The following GOLGA8A variants were observed in gnomAD, a reference collection of about 807,000 sequenced individuals.
GOLGA8A encodes golgin A8 family member A.
In GOLGA8A, 3 loss-of-function variants were observed where a neutral mutation model predicts 22.1. The observed-to-expected ratio is 0.14, with a 90% confidence interval of 0.06 to 0.35. GOLGA8A has a LOEUF of 0.35. Among genes scored for constraint, GOLGA8A ranks in the 10% least tolerant of loss-of-function variants. The pLI, the probability that GOLGA8A is intolerant of heterozygous loss-of-function variation, is 1.00. For missense variants in GOLGA8A, 16 were observed against 233.2 expected (o/e 0.07, Z 6.07); for synonymous variants, 7 against 91.7 (o/e 0.08, Z 5.28).
chr15:34,426,822 T>C lies in GOLGA8A; in HGVS notation c.-1123+8561A>G, dbSNP rs555110122. Among the ~76,000 whole-genome samples the C allele has an allele frequency of 3.3e-3, 445 of 134,024 alleles. 2 individuals are homozygous for C. The highest frequency in any genetic ancestry group is 0.013 in the Middle Eastern group (3 of 240). 87.9% of individuals were successfully genotyped at this position (134,024 alleles called of 152,430 possible). On this transcript the variant is annotated intron_variant, in intron 2 of 24. Coordinates refer to ENST00000359187, the MANE Select transcript of GOLGA8A (RefSeq NM_181077.5). ...TACTCAGGAGACCGAGGCAGGAGGA[T>C]TGCCTGAGCCCAGGAGTTCAAGTCC...
At position 34,381,295 on chromosome 15, in the gene GOLGA8A, T is replaced by C. The variant is rs1229749633; in HGVS notation, c.*116A>G. On this transcript the variant is annotated 3_prime_UTR_variant, in exon 25 of 25. Transcript: ENST00000359187. ...TTAAACTATAAATTAGAAACACAAA[T>C]AATCATGAGTAGCTCTAACATTCAA... 9.7e-7 allele frequency: 1 copy of C among 1,031,640 alleles called. No individual in the cohort carries two copies. Among genetic ancestry groups the C allele is most frequent in the African/African-American group, 1.5e-5 (1 of 65,722 alleles). 63.9% of individuals were successfully genotyped at this position (1,031,640 alleles called of 1,614,324 possible). A position where few individuals can be genotyped will look rare whatever the true frequency, so the allele number is the denominator to read the frequency against.
chr15:34,420,559 A>G (rs909156723), intron 2 of GOLGA8A, among the ~76,000 whole-genome samples: 1 of 135,284 alleles, frequency 7.4e-6, no homozygotes, highest in African/African-American at 2.8e-5. Context: ...GCGTAAGAGG[A>G]TATTTTCAGC....
intron 2 of GOLGA8A, among the ~76,000 whole-genome samples, chr15:34,433,910 G>A (rs79551264): frequency 1.3e-5 from 2 of 149,664 alleles, no homozygotes; most frequent in African/African-American, 4.9e-5. Flanking sequence ...ATGTAGGGCT[G>A]TCAGGGAGCC....
At chr15:34,430,021 A>G (rs77868693) in intron 2 of GOLGA8A, among the ~76,000 whole-genome samples, 10,690 of 144,266 alleles carry the variant, frequency 0.074, 908 homozygotes, top group South Asian at 0.19. Context: ...CAGCTCCCCA[A>G]ATGAAACCAA....
intron 2 of GOLGA8A, among the ~76,000 whole-genome samples, chr15:34,434,148 C>A: frequency 6.7e-6 from 1 of 149,518 alleles, no homozygotes; most frequent in East Asian, 2.0e-4. Context: ...GGCAATGAGC[C>A]TGTCTGCCTG....
chr15:34,434,431 T>C (rs1893399680), intron 2 of GOLGA8A, among the ~76,000 whole-genome samples: 1 of 149,180 alleles, frequency 6.7e-6, no homozygotes, highest in African/African-American at 2.5e-5. Context: ...CTGCATGATC[T>C]TGAGGTCACC....
At chr15:34,431,786 T>C in intron 2 of GOLGA8A, among the ~76,000 whole-genome samples, 1 of 148,510 alleles carries the variant, frequency 6.7e-6, no homozygotes, top group South Asian at 2.2e-4. Context: ...ATATTTTTAT[T>C]TTTTAAATAT....
At position 34,380,470 on chromosome 15, in the gene GOLGA8A, A is replaced by T. The variant is rs1219849132; in HGVS notation, c.*941T>A. The T allele has an allele frequency of 6.6e-6, 1 of 152,264 alleles. No homozygotes were observed. Among genetic ancestry groups the T allele is most frequent in the Admixed American group, 6.5e-5 (1 of 15,284 alleles). 9.4% of individuals were successfully genotyped at this position (152,264 alleles called of 1,614,324 possible). ...GTGTACTGGGACAGGTAGTCATGTG[A>T]TTAAAACAGGGAACACGAACTCTGA... On this transcript the variant is annotated 3_prime_UTR_variant, in exon 25 of 25. Transcript: ENST00000359187.
In GOLGA8A at chr15:34,413,739, G is replaced by A. The variant is rs1351280758; in HGVS notation, c.-1122-6004C>T. 2.9e-5 allele frequency among the ~76,000 whole-genome samples: 2 copies of A among 68,482 alleles called. 1 individual carries two copies. The highest frequency in any genetic ancestry group is 6.3e-5 in the Non-Finnish European group (2 of 31,776). The allele number at this position is 68,482 out of a possible 152,430, so 44.9% of individuals were successfully genotyped here. On this transcript the variant is annotated intron_variant, in intron 2 of 24. Coordinates refer to ENST00000359187, the MANE Select transcript of GOLGA8A (RefSeq NM_181077.5). ...GTGTGTGGTCGTGGGGCGGTGGGTGGGCACATCCCTGGGAGGTTTCAGGAG... is the reference window on the plus strand; with the variant it reads ...GTGTGTGGTCGTGGGGCGGTGGGTGAGCACATCCCTGGGAGGTTTCAGGAG...
chr15:34,433,427 G>A (rs1236960518), intron 2 of GOLGA8A, among the ~76,000 whole-genome samples: 1 of 149,246 alleles, frequency 6.7e-6, no homozygotes, highest in South Asian at 2.1e-4. Context: ...AATCCAAAAA[G>A]GAATCTCAGT....
intron 2 of GOLGA8A, among the ~76,000 whole-genome samples, chr15:34,421,228 C>G (rs1472810226): frequency 7.0e-6 from 1 of 143,476 alleles, no homozygotes; most frequent in Non-Finnish European, 1.5e-5. Context: ...GGGGCAGAGA[C>G]GTGAAACAGG....
At position 34,380,813 on chromosome 15, in the gene GOLGA8A, C is replaced by T. The variant is rs1891447568; in HGVS notation, c.*598G>A. Reference sequence around the variant, plus strand: ...AGCTCCCCCAAAAGGTTATCACTCCCATCACCAATACACAGAAAATGGAGG... The same window carrying T: ...AGCTCCCCCAAAAGGTTATCACTCCTATCACCAATACACAGAAAATGGAGG... On this transcript the variant is annotated 3_prime_UTR_variant, in exon 25 of 25. Transcript: ENST00000359187. 1.6e-5 allele frequency: 3 copies of T among 189,074 alleles called. 1 individual carries two copies. The South Asian group carries it at 2.8e-4, about 18-fold the overall frequency. 11.7% of individuals were successfully genotyped at this position (189,074 alleles called of 1,614,324 possible).
chr15:34,428,924 G>A (rs1021496051), intron 2 of GOLGA8A: 1 of 139,256 alleles, frequency 7.2e-6, no homozygotes, highest in Non-Finnish European at 1.6e-5. Context: ...AAAAAGAAGG[G>A]TAAAATAAAA....
At chr15:34,427,156 C>A (rs201844627) in intron 2 of GOLGA8A, among the ~76,000 whole-genome samples, 12,827 of 146,046 alleles carry the variant, frequency 0.088, 1,362 homozygotes, top group South Asian at 0.23. Context: ...CACGGTGAAA[C>A]CTCGTCTGTA....
In GOLGA8A at chr15:34,431,583, G is replaced by C. The variant is rs187678053; in HGVS notation, c.-1123+3800C>G. On this transcript the variant is annotated intron_variant, in intron 2 of 24. Coordinates refer to ENST00000359187, the MANE Select transcript of GOLGA8A (RefSeq NM_181077.5). ...GCAAAGCTAGGCAGCATGTTACTGT[G>C]CTGAATGTGTGTATCTAAACATAGA... Among the ~76,000 whole-genome samples, 338 of 147,000 alleles carry C rather than the reference G, an allele frequency of 2.3e-3. 21 individuals carry two copies. The highest frequency in any genetic ancestry group is 8.4e-3 in the African/African-American group (333 of 39,844).
rs1168871777 is a variant in GOLGA8A at position 34,437,190 on chromosome 15, G to A, written c.-1212+208C>T. Among the ~76,000 whole-genome samples the A allele has an allele frequency of 2.8e-4, 41 of 147,430 alleles. 3 individuals are homozygous for A. The highest frequency in any genetic ancestry group is 8.0e-4 in the African/African-American group (32 of 40,068). Reference sequence around the variant, plus strand: ...GCCCATCGTGGGAGGAGGATGGGCCGGTCCGAGAGGCGTAAGGCCGCCGGG... The same window carrying A: ...GCCCATCGTGGGAGGAGGATGGGCCAGTCCGAGAGGCGTAAGGCCGCCGGG... On this transcript the variant is annotated intron_variant, in intron 1 of 24. Transcript: ENST00000359187.
intron 2 of GOLGA8A, among the ~76,000 whole-genome samples, chr15:34,431,312 C>CATAT (rs1157766795): frequency 5.9e-4 from 27 of 45,746 alleles, no homozygotes; most frequent in African/African-American, 1.6e-3. Context: ...TATATATATA[C>CATAT]ATATATATAT....
intron 1 of GOLGA8A, 50 bp from the exon 2 acceptor site, chr15:34,435,521 G>A (rs1312995681): frequency 1.3e-5 from 2 of 148,586 alleles, no homozygotes; most frequent in Non-Finnish European, 3.0e-5. Flanking sequence ...AGAAGGTTAT[G>A]TAAACAAGTT....
chr15:34,420,408 C>G (rs74323336), intron 2 of GOLGA8A: 13,744 of 147,946 alleles, frequency 0.093, 1,616 homozygotes, highest in South Asian at 0.25. Flanking sequence ...AACCTCTTAT[C>G]CAGACCCGGA....
Sources: allele counts gnomAD v4.1 joint callset (sites outside exome capture counted in the v4.1 genomes callset), GRCh38; gene constraint gnomAD v4.1.1; transcripts MANE v1.5; gene names NCBI Gene and HGNC (gene_info 2026-07-23, HGNC 2026-07-21).